Variants in RASGRP1 observed in about 807,000 individuals in gnomAD.
The protein encoded by RASGRP1 is RAS guanyl-releasing protein 1.
In RASGRP1, 37 loss-of-function variants were observed where a neutral mutation model predicts 95.1. That is an observed-to-expected ratio of 0.39 (90% CI 0.30 to 0.51). The LOEUF (loss-of-function observed/expected upper bound fraction) is 0.51, where lower values mean the gene tolerates loss of function less well. Among genes scored for constraint, RASGRP1 ranks in the 20% least tolerant of loss-of-function variants. The pLI is 0.80. For missense variants in RASGRP1, 711 were observed against 965.4 expected, an observed-to-expected ratio of 0.74 and a Z score of 3.49; for synonymous variants, 325 against 353.4, an observed-to-expected ratio of 0.92 and a Z score of 0.90.
chr15:38,494,062 C>T (rs919141722), intron 16 of RASGRP1, among the ~76,000 whole-genome samples: 2 of 152,188 alleles, frequency 1.3e-5, no homozygotes, highest in Admixed American at 6.5e-5. Flanking sequence ...GCCTACTAAA[C>T]AGGGCTTTGG....
chr15:38,564,726 C>G lies in RASGRP1; in HGVS notation c.-98G>C, dbSNP rs56413904. On this transcript the variant is annotated 5_prime_UTR_variant, in exon 1 of 17. Coordinates refer to ENST00000310803, the MANE Select transcript of RASGRP1 (RefSeq NM_005739.4). The stretch of plus-strand genomic sequence containing the variant: ...GCCGCCGCCTGCCGGCTCTCTCCCC[C>G]CCGGGCCTCGTAGCCCCGGCGCCCG... 75 of 1,060,182 alleles carry G rather than the reference C, an allele frequency of 7.1e-5. No homozygotes were observed. In the South Asian group the frequency reaches 9.2e-4, roughly 13 times the overall value. 65.7% of individuals were successfully genotyped at this position (1,060,182 alleles called of 1,614,324 possible).
chr15:38,498,930 A>G lies in RASGRP1; in HGVS notation c.1737T>C (p.Cys579=), dbSNP rs2141084894. The G allele has an allele frequency of 1.2e-6, 2 of 1,613,930 alleles. No homozygotes were observed. The highest frequency in any genetic ancestry group is 1.6e-4 in the Middle Eastern group (1 of 6,062). The change falls in exon 15 of 17, where the codon TGT becomes TGC. Residue 579 remains cysteine, a synonymous_variant. Coordinates refer to ENST00000310803, the MANE Select transcript of RASGRP1 (RefSeq NM_005739.4). Reference sequence around the variant, plus strand: ...CAACCAGATCTTTGCATTGTTTGTGACAGTTCATCCCGCAGTCTGTGGACA... The same window carrying G: ...CAACCAGATCTTTGCATTGTTTGTGGCAGTTCATCCCGCAGTCTGTGGACA... ...GYRCKDCGMN[C]HKQCKDLVVF... is the part of the protein sequence containing the mutation.
At chr15:38,507,153 C>T (rs1891292092) in intron 9 of RASGRP1, among the ~76,000 whole-genome samples, 1 of 152,204 alleles carries the variant, frequency 6.6e-6, no homozygotes, top group Non-Finnish European at 1.5e-5. Context: ...CATAGTCACA[C>T]AGCTGGTAAA....
chr15:38,498,629 T>C (rs1287261516), intron 15 of RASGRP1, among the ~76,000 whole-genome samples, 165 bp downstream of exon 15: 2 of 152,176 alleles, frequency 1.3e-5, no homozygotes, highest in Non-Finnish European at 2.9e-5. Context: ...GTCTAAGACA[T>C]AGGCATGGAG....
rs369326621 is a variant in RASGRP1, at chr15:38,511,629, G to C, written c.941C>G (p.Ser314Trp). Residue 314 changes from serine to tryptophan, a missense_variant, in exon 8 of 17, where the codon TCG becomes TGG. Coordinates refer to ENST00000310803, the MANE Select transcript of RASGRP1 (RefSeq NM_005739.4). Reference protein sequence around the residue: ...SSISRLKETSSHVPHEINKVL... With the variant: ...SSISRLKETSWHVPHEINKVL... ...CTTATTGATTTCATGTGGGACATGC[G>C]AACTTGTCTCCTTGAGCCTCGAGAT... 4 of 1,613,374 alleles carry C rather than the reference G, an allele frequency of 2.5e-6. No individual in the cohort carries two copies. Among genetic ancestry groups the C allele is most frequent in the Non-Finnish European group, 3.4e-6 (4 of 1,179,468 alleles).
intron 10 of RASGRP1, among the ~76,000 whole-genome samples, chr15:38,505,635 A>T (rs1891223591): frequency 6.6e-6 from 1 of 152,164 alleles, no homozygotes; most frequent in Non-Finnish European, 1.5e-5. Context: ...TATCCCTTCA[A>T]CTATATCACA....
At chr15:38,512,694 C>A in intron 7 of RASGRP1, 89 bp downstream of exon 7, 1 of 1,511,002 alleles carries the variant, frequency 6.6e-7, no homozygotes, top group Non-Finnish European at 9.0e-7. Context: ...AGGGAAAAAA[C>A]AGCTCTAATT....
rs922750933 is a variant in RASGRP1, at chr15:38,494,318, T to C, written c.2259+64A>G. ...ATCTGAATCTTCAGTCCACATGCTC[T>C]TTCCTGGTTTGGCCCCACTTCTCTA... On this transcript the variant is annotated intron_variant, in intron 16 of 16. Transcript: ENST00000310803. The C allele has an allele frequency of 4.4e-6, 7 of 1,575,490 alleles. No individual in the cohort carries two copies. The Admixed American group carries it at 1.0e-4, about 23-fold the overall frequency.
intron 2 of RASGRP1, among the ~76,000 whole-genome samples, chr15:38,539,720 G>A (rs929946157): frequency 2.1e-4 from 31 of 151,074 alleles, no homozygotes; most frequent in African/African-American, 6.3e-4. Flanking sequence ...ATCCCTCCCC[G>A]CTCCTCCCAC....
chr15:38,558,739 C>T (rs117218960), intron 2 of RASGRP1, among the ~76,000 whole-genome samples: 2 of 152,374 alleles, frequency 1.3e-5, no homozygotes, highest in East Asian at 3.9e-4. Context: ...ATAGTTGAAA[C>T]TGTTCAATGC....
intron 14 of RASGRP1, among the ~76,000 whole-genome samples, chr15:38,499,768 T>C (rs1890941002): frequency 6.6e-6 from 1 of 152,208 alleles, no homozygotes; most frequent in Non-Finnish European, 1.5e-5. Flanking sequence ...CCATGTGTCA[T>C]GGGAGGGACC....
At chr15:38,507,480 G>A (rs1163465927) in intron 9 of RASGRP1, among the ~76,000 whole-genome samples, 3 of 152,158 alleles carry the variant, frequency 2.0e-5, no homozygotes, top group African/African-American at 7.2e-5. Flanking sequence ...CTAGAAGTCT[G>A]AAGGGCACAG....
intron 2 of RASGRP1, among the ~76,000 whole-genome samples, chr15:38,528,872 C>T (rs1436521434): frequency 4.6e-5 from 7 of 152,140 alleles, no homozygotes; most frequent in Admixed American, 1.3e-4. Flanking sequence ...TCCAATTCAA[C>T]GTCTAAGTTC....
chr15:38,522,193 A>T (rs1281859106), intron 3 of RASGRP1, among the ~76,000 whole-genome samples: 1 of 152,212 alleles, frequency 6.6e-6, no homozygotes, highest in East Asian at 1.9e-4. Flanking sequence ...ACGACACACA[A>T]ATAGGTAAGT....
intron 6 of RASGRP1, among the ~76,000 whole-genome samples, chr15:38,514,808 G>A (rs564802226): frequency 2.8e-4 from 43 of 152,292 alleles, no homozygotes; most frequent in African/African-American, 9.9e-4. Context: ...CAGACATCCT[G>A]CAGGCCTGAC....
chr15:38,529,052 C>T (rs1448985615), intron 2 of RASGRP1, among the ~76,000 whole-genome samples: 1 of 152,212 alleles, frequency 6.6e-6, no homozygotes, highest in African/African-American at 2.4e-5. Flanking sequence ...TCCAATCCAT[C>T]AGGAAGTCTT....
At chr15:38,533,263 G>C (rs138882623) in intron 2 of RASGRP1, among the ~76,000 whole-genome samples, 13 of 152,244 alleles carry the variant, frequency 8.5e-5, no homozygotes, top group Admixed American at 4.6e-4. Context: ...AAAACCTAGG[G>C]GCAAGGTTAG....
chr15:38,503,466 T>C (rs55998442), intron 10 of RASGRP1, 90 bp from the exon 11 acceptor site: 2 of 976,164 alleles, frequency 2.0e-6, no homozygotes, highest in East Asian at 5.2e-5. Flanking sequence ...GACGGTTACA[T>C]TTATGGACAA....
intron 2 of RASGRP1, among the ~76,000 whole-genome samples, chr15:38,547,978 T>G (rs1595878303): frequency 1.3e-5 from 2 of 151,966 alleles, no homozygotes; most frequent in Middle Eastern, 6.8e-3. Context: ...TTCCAGGTTT[T>G]TTTTTTTTTT....
Sources: gnomAD v4.1 joint callset for allele counts (sites outside exome capture counted in the v4.1 genomes callset) on GRCh38, gnomAD v4.1.1 for gene constraint, MANE v1.5 for transcripts, NCBI Gene and HGNC (gene_info 2026-07-23, HGNC 2026-07-21) for gene names.